Variants in CDYL2 observed in about 807,000 individuals in gnomAD.
The protein encoded by CDYL2 is chromodomain Y like 2, also known as chromodomain Y-like protein 2.
Under a neutral mutation model 49.4 loss-of-function variants are expected in CDYL2, and 23 were observed. The ratio of observed to expected loss-of-function variants is 0.47; its 90% confidence interval spans 0.34 to 0.66. The LOEUF (loss-of-function observed/expected upper bound fraction) is 0.66, where lower values mean the gene tolerates loss of function less well. CDYL2 is among the 30% of genes least tolerant of loss of function. CDYL2 has a pLI of 0.01. For missense variants in CDYL2, 678 were observed against 656.4 expected (o/e 1.03, Z -0.36); for synonymous variants, 360 against 268.8 (o/e 1.34, Z -3.32).
At chr16:80,735,552 A>G (rs1905491201) in intron 1 of CDYL2, among the ~76,000 whole-genome samples, 1 of 152,162 alleles carries the variant, frequency 6.6e-6, no homozygotes, top group Non-Finnish European at 1.5e-5. Context: ...GTTTGATACT[A>G]TAAGGCTCCA....
At chr16:80,636,496 C>G (rs962529194) in intron 2 of CDYL2, among the ~76,000 whole-genome samples, 1 of 152,170 alleles carries the variant, frequency 6.6e-6, no homozygotes, top group African/African-American at 2.4e-5. Flanking sequence ...AAATCAAAAT[C>G]ACAATGAGAT....
chr16:80,600,079 G>C lies in CDYL2; in HGVS notation c.*4309C>G, dbSNP rs1473999809. Reference sequence around the variant, plus strand: ...CAACTGCCACACAGTGAGAATTTACGGGGAGATCTTAAACTACTTATGTAG... The same window carrying C: ...CAACTGCCACACAGTGAGAATTTACCGGGAGATCTTAAACTACTTATGTAG... On this transcript the variant is annotated 3_prime_UTR_variant, in exon 7 of 7. Coordinates refer to ENST00000570137, the MANE Select transcript of CDYL2 (RefSeq NM_152342.4). 3 of 152,118 alleles carry C rather than the reference G, an allele frequency of 2.0e-5. No individual in the cohort carries two copies. The highest frequency in any genetic ancestry group is 4.4e-5 in the Non-Finnish European group (3 of 68,026). The allele number at this position is 152,118 out of a possible 1,614,324, so 9.4% of individuals were successfully genotyped here. A position where few individuals can be genotyped will look rare whatever the true frequency, so the allele number is the denominator to read the frequency against.
At chr16:80,766,682 G>A (rs1325817751) in intron 1 of CDYL2, among the ~76,000 whole-genome samples, 3 of 152,132 alleles carry the variant, frequency 2.0e-5, no homozygotes, top group African/African-American at 7.2e-5. Context: ...TAATAACGAT[G>A]GGACTGACTC....
At chr16:80,640,864 G>C (rs546351876) in intron 2 of CDYL2, among the ~76,000 whole-genome samples, 1 of 152,314 alleles carries the variant, frequency 6.6e-6, no homozygotes, top group Admixed American at 6.5e-5. Flanking sequence ...GAAAGAATTA[G>C]TGAGCCTGAA....
At chr16:80,619,540 G>A (rs1330871432) in intron 4 of CDYL2, among the ~76,000 whole-genome samples, 1 of 152,180 alleles carries the variant, frequency 6.6e-6, no homozygotes, top group Non-Finnish European at 1.5e-5. Flanking sequence ...GGCTCTGGTG[G>A]CCTCATGCAT....
chr16:80,667,251 G>A (rs116322054), intron 2 of CDYL2, among the ~76,000 whole-genome samples: 36 of 152,208 alleles, frequency 2.4e-4, no homozygotes, highest in African/African-American at 7.7e-4. Context: ...TGGTTCTTAA[G>A]ACAAGCCTGA....
intron 1 of CDYL2, among the ~76,000 whole-genome samples, chr16:80,690,857 C>A (rs1262848432): frequency 6.6e-6 from 1 of 152,206 alleles, no homozygotes; most frequent in East Asian, 1.9e-4. Context: ...TGGAAACAGA[C>A]TCATCACCAG....
intron 2 of CDYL2, 53 bp from the exon 3 acceptor site, chr16:80,633,289 A>C: frequency 6.4e-7 from 1 of 1,560,528 alleles, no homozygotes; most frequent in Non-Finnish European, 8.8e-7. Flanking sequence ...ACGATCCTAG[A>C]AGGATGTGAT....
At chr16:80,613,499 G>A (rs1906694562) in intron 4 of CDYL2, among the ~76,000 whole-genome samples, 1 of 152,092 alleles carries the variant, frequency 6.6e-6, no homozygotes, top group Non-Finnish European at 1.5e-5. Context: ...ACTCATCAAG[G>A]GTGGTTCTAA....
rs116108663 is a variant in CDYL2, at chr16:80,719,622, A to G, written c.25-34493T>C. ...CAACAACTTAGAATTGAGACAAACA[A>G]GTATCTGTACCTTGGGTTGCCCAGG... On this transcript the variant is annotated intron_variant, in intron 1 of 6. Coordinates refer to ENST00000570137, the MANE Select transcript of CDYL2 (RefSeq NM_152342.4). Among the ~76,000 whole-genome samples, 1,251 of 152,326 alleles carry G rather than the reference A, an allele frequency of 8.2e-3. 15 individuals are homozygous for G. The highest frequency in any genetic ancestry group is 0.028 in the African/African-American group (1,168 of 41,568).
intron 1 of CDYL2, among the ~76,000 whole-genome samples, chr16:80,780,397 C>CTTTTTT (rs1022730941): frequency 1.1e-4 from 12 of 105,356 alleles, no homozygotes; most frequent in East Asian, 2.6e-4. Context: ...TGCACAATAT[C>CTTTTTT]TTTTTTTTTT....
chr16:80,684,913 T>C lies in CDYL2; in HGVS notation c.241A>G (p.Ser81Gly), dbSNP rs1452218563. ...QSSTSKLLRD[S>G]RGPSVEKLSH... The stretch of plus-strand genomic sequence containing the variant: ...AGTTTCTCAACCGACGGGCCTCGAC[T>C]GTCACGCAGCAGCTTGGAGGTACTG... Residue 81 changes from serine (S) to glycine (G), a missense_variant, in exon 2 of 7, where the codon AGT becomes GGT. Coordinates refer to ENST00000570137, the MANE Select transcript of CDYL2 (RefSeq NM_152342.4). 1 of 1,614,210 alleles carries C rather than the reference T, an allele frequency of 6.2e-7. No homozygotes were observed. The highest frequency in any genetic ancestry group is 1.1e-5 in the South Asian group (1 of 91,080).
At chr16:80,678,595 T>A (rs1362891327) in intron 2 of CDYL2, among the ~76,000 whole-genome samples, 2 of 150,556 alleles carry the variant, frequency 1.3e-5, no homozygotes, top group Non-Finnish European at 3.0e-5. Flanking sequence ...TGGCAATCAT[T>A]AAAAAGTCAG....
chr16:80,739,491 G>A (rs1183697412), intron 1 of CDYL2, among the ~76,000 whole-genome samples: 4 of 152,216 alleles, frequency 2.6e-5, no homozygotes, highest in African/African-American at 9.6e-5. Flanking sequence ...TCAGTGGGAA[G>A]GAGGGAGAAA....
chr16:80,664,117 CT>C (rs2142439863), intron 2 of CDYL2, among the ~76,000 whole-genome samples: 1 of 152,210 alleles, frequency 6.6e-6, no homozygotes, highest in African/African-American at 2.4e-5. Context: ...TTTTTATCAC[CT>C]TTTCTTGCAA....
intron 3 of CDYL2, among the ~76,000 whole-genome samples, chr16:80,626,598 G>A (rs1360057530): frequency 6.6e-6 from 1 of 152,146 alleles, no homozygotes; most frequent in East Asian, 1.9e-4. Flanking sequence ...CCCAATCACT[G>A]GATTGTTAAA....
At position 80,651,511 on chromosome 16, in the gene CDYL2, A is replaced by G. The variant is rs527874119; in HGVS notation, c.617-18275T>C. ...AGTTAAAACTACTCTGCATGATACT[A>G]CAATGGAGAATACTAGACATTAAGC... On this transcript the variant is annotated intron_variant, in intron 2 of 6. Transcript: ENST00000570137. 1.2e-4 allele frequency among the ~76,000 whole-genome samples: 18 copies of G among 152,346 alleles called. No individual in the cohort carries two copies. In the South Asian group the frequency reaches 3.3e-3, roughly 28 times the overall value.
chr16:80,624,755 GA>G (rs1237521045), intron 3 of CDYL2, among the ~76,000 whole-genome samples: 6 of 152,084 alleles, frequency 3.9e-5, no homozygotes, highest in African/African-American at 4.8e-5. Flanking sequence ...AGAATATGGG[GA>G]AAAAATAGAT....
At chr16:80,762,070 C>A (rs936680770) in intron 1 of CDYL2, among the ~76,000 whole-genome samples, 2 of 151,934 alleles carry the variant, frequency 1.3e-5, no homozygotes, top group African/African-American at 4.8e-5. Context: ...ACAGTAGTCC[C>A]AGGTACTCGG....
Sources: gnomAD v4.1 joint callset for allele counts (sites outside exome capture counted in the v4.1 genomes callset) on GRCh38, gnomAD v4.1.1 for gene constraint, MANE v1.5 for transcripts, NCBI Gene and HGNC (gene_info 2026-07-23, HGNC 2026-07-21) for gene names.